Variants in CPAMD8 observed in about 807,000 individuals in gnomAD.
CPAMD8 encodes the protein C3 and PZP-like alpha-2-macroglobulin domain-containing protein 8.
In CPAMD8, 146 loss-of-function variants were observed where a neutral mutation model predicts 224.7. The ratio of observed to expected loss-of-function variants is 0.65; its 90% CI spans 0.57 to 0.75. The LOEUF is 0.75. Among genes scored for constraint, CPAMD8 ranks in the 30% least tolerant of loss-of-function variants. The probability of loss-of-function intolerance (pLI) is 0.00; values close to 1 mark genes in which losing one functional copy is unlikely to be tolerated. For missense variants in CPAMD8, 2,301 were observed against 2,537.5 expected, an observed-to-expected ratio of 0.91 and a Z score of 2.00; for synonymous variants, 966 against 1,044.6, an observed-to-expected ratio of 0.92 and a Z score of 1.45.
chr19:17,008,579 A>AC lies in CPAMD8; in HGVS notation c.505-21dup. Reference sequence around the variant, plus strand: ...GGGGTCCTGTTGGTGGTGGAGGGGGACAGACACACGGAGTGAACTCAGGCT... The same window carrying AC: ...GGGGTCCTGTTGGTGGTGGAGGGGGACCAGACACACGGAGTGAACTCAGGCT... On this transcript the variant is annotated intron_variant, in intron 6 of 41. Coordinates refer to ENST00000443236, the MANE Select transcript of CPAMD8 (RefSeq NM_015692.5). 1 of 1,613,250 alleles carries AC rather than the reference A, an allele frequency of 6.2e-7. No homozygotes were observed. The highest frequency in any genetic ancestry group is 2.2e-5 in the East Asian group (1 of 44,866).
intron 13 of CPAMD8, among the ~76,000 whole-genome samples, chr19:16,981,618 G>A (rs920693997): frequency 1.3e-5 from 2 of 152,188 alleles, no homozygotes; most frequent in African/African-American, 4.8e-5. Context: ...CTGATATCAG[G>A]AAAGCTAAGG....
chr19:16,913,758 A>G (rs1219144586), intron 29 of CPAMD8, among the ~76,000 whole-genome samples: 1 of 152,150 alleles, frequency 6.6e-6, no homozygotes, highest in African/African-American at 2.4e-5. Flanking sequence ...CAAACTGTAG[A>G]CCCACTAGTT....
chr19:16,973,838 T>C (rs2055154620), intron 17 of CPAMD8, among the ~76,000 whole-genome samples: 1 of 148,456 alleles, frequency 6.7e-6, no homozygotes, highest in African/African-American at 2.5e-5. Flanking sequence ...TTTTTTTTTT[T>C]TTTTTTTTTT....
intron 22 of CPAMD8, among the ~76,000 whole-genome samples, chr19:16,939,177 A>C (rs2053798022): frequency 1.2e-5 from 1 of 85,114 alleles, no homozygotes; most frequent in Non-Finnish European, 2.7e-5. Flanking sequence ...TTATTTATTT[A>C]TTTATTTATT....
chr19:16,928,867 G>A (rs914356026), intron 24 of CPAMD8, 75 bp downstream of exon 24: 8 of 1,240,238 alleles, frequency 6.5e-6, no homozygotes, highest in Non-Finnish European at 8.9e-6. Context: ...TCAAAGCCTG[G>A]CACCAAACAG....
intron 41 of CPAMD8, 105 bp downstream of exon 41, chr19:16,896,071 G>T: frequency 1.5e-6 from 2 of 1,295,230 alleles, no homozygotes; most frequent in Non-Finnish European, 2.2e-6. Flanking sequence ...GGGTCGGGGC[G>T]GGGCGGAGGA....
chr19:16,983,352 T>G (rs1350401375), intron 13 of CPAMD8, among the ~76,000 whole-genome samples: 1 of 152,140 alleles, frequency 6.6e-6, no homozygotes, highest in Non-Finnish European at 1.5e-5. Flanking sequence ...TGAGCTGAGA[T>G]TGTGCCATTG....
Position 17,026,654 on chromosome 19 carries a change from T to A in CPAMD8, c.-12A>T, listed in dbSNP as rs1568620064. The stretch of plus-strand genomic sequence containing the variant: ...AGGGCGCCGCTCATTTTTCGGCTCC[T>A]GGGGGGCGCCGCGCCTGGGGAGGGG... On this transcript the variant is annotated 5_prime_UTR_variant, in exon 1 of 42. Coordinates refer to ENST00000443236, the MANE Select transcript of CPAMD8 (RefSeq NM_015692.5). 7.1e-7 allele frequency: 1 copy of A among 1,405,690 alleles called. No individual in the cohort carries two copies. 87.1% of individuals were successfully genotyped at this position (1,405,690 alleles called of 1,614,324 possible).
chr19:17,003,795 T>G (rs12980608), intron 8 of CPAMD8, among the ~76,000 whole-genome samples: 27 of 149,386 alleles, frequency 1.8e-4, no homozygotes, highest in Admixed American at 1.1e-3. Flanking sequence ...AAAAAAAAAG[T>G]AAGAGTGTAG....
At chr19:16,906,243 C>A (rs2052471779) in intron 30 of CPAMD8, among the ~76,000 whole-genome samples, 1 of 152,146 alleles carries the variant, frequency 6.6e-6, no homozygotes, top group Non-Finnish European at 1.5e-5. Context: ...CAAAAGGCAT[C>A]TCGTCAGTTT....
At chr19:16,915,232 A>G (rs1018517890) in intron 27 of CPAMD8, among the ~76,000 whole-genome samples, 1 of 150,710 alleles carries the variant, frequency 6.6e-6, no homozygotes, top group Admixed American at 6.6e-5. Context: ...TGCCCTGGAG[A>G]TCTGTGCTTC....
intron 5 of CPAMD8, among the ~76,000 whole-genome samples, chr19:17,010,743 C>T (rs1244552334): frequency 2.6e-5 from 4 of 152,082 alleles, no homozygotes; most frequent in Non-Finnish European, 5.9e-5. Context: ...ATAAATATAG[C>T]CAGGTGCAGT....
intron 36 of CPAMD8, 138 bp downstream of exon 36, chr19:16,901,072 G>A (rs1158835722): frequency 3.4e-6 from 2 of 596,048 alleles, no homozygotes; most frequent in Non-Finnish European, 6.0e-6. Flanking sequence ...AGGGGGAGGG[G>A]GAGAGGGAGA....
At position 16,913,859 on chromosome 19, in the gene CPAMD8, G is replaced by A. The variant is rs967653335; in HGVS notation, c.3861+565C>T. Among the ~76,000 whole-genome samples, 3 of 152,040 alleles carry A rather than the reference G, an allele frequency of 2.0e-5. No individual in the cohort carries two copies. The East Asian group carries it at 5.8e-4, about 29-fold the overall frequency. On this transcript the variant is annotated intron_variant, in intron 29 of 41. Transcript: ENST00000443236. ...AGAATTGATGTAGGTATTAGGGAGG[G>A]CAGATTCTTCTCACCCAGGGCTGAG...
chr19:16,896,804 G>C (rs977918093), intron 39 of CPAMD8, 139 bp from the exon 40 acceptor site: 14 of 501,620 alleles, frequency 2.8e-5, no homozygotes, highest in African/African-American at 8.1e-5. Flanking sequence ...ACAGTTAATG[G>C]GAGGTCCTGA....
At position 16,941,829 on chromosome 19, in the gene CPAMD8, C is replaced by T. The variant is rs999310638; in HGVS notation, c.2794-3383G>A. Among the ~76,000 whole-genome samples, 7 of 152,070 alleles carry T rather than the reference C, an allele frequency of 4.6e-5. No homozygotes were observed. The South Asian group carries it at 1.0e-3, about 23-fold the overall frequency. Reference sequence around the variant, plus strand: ...CTCTACTAAAAATATAAAAATTATCCGGGCATGGTGGCAGGTGCCTGCAAT... The same window carrying T: ...CTCTACTAAAAATATAAAAATTATCTGGGCATGGTGGCAGGTGCCTGCAAT... On this transcript the variant is annotated intron_variant, in intron 22 of 41. Transcript: ENST00000443236.
chr19:16,904,193 C>G (rs776135716), intron 32 of CPAMD8, 33 bp downstream of exon 32: 4 of 1,487,778 alleles, frequency 2.7e-6, no homozygotes, highest in Non-Finnish European at 3.7e-6. Flanking sequence ...CCACCCAGCC[C>G]TGAGCCCCTC....
At chr19:16,946,991 C>G (rs2054123323) in intron 21 of CPAMD8, 83 bp downstream of exon 21, 2 of 1,421,424 alleles carry the variant, frequency 1.4e-6, no homozygotes, top group Non-Finnish European at 1.9e-6. Context: ...CCCCATCCAC[C>G]CCTCATCCCC....
At position 16,902,771 on chromosome 19, in the gene CPAMD8, C is replaced by A. The variant is rs200862393; in HGVS notation, c.4563G>T (p.Pro1521=). The part of the protein sequence containing the change: ...SLQEPEAQGR[P]PPMPASAAEG... ...CAGCTGCGGAGGCAGGCATGGGGGGCGGGCGTCCCTGGGCCTCAGGCTCCT... is the reference window on the plus strand; with the variant it reads ...CAGCTGCGGAGGCAGGCATGGGGGGAGGGCGTCCCTGGGCCTCAGGCTCCT... Residue 1521 remains proline (P), a synonymous_variant, in exon 35 of 42, where the codon CCG becomes CCT. Transcript: ENST00000443236. 6.3e-7 allele frequency: 1 copy of A among 1,591,028 alleles called. No individual in the cohort carries two copies. Among genetic ancestry groups the A allele is most frequent in the African/African-American group, 1.3e-5 (1 of 74,364 alleles).
Sources: allele counts gnomAD v4.1 joint callset (sites outside exome capture counted in the v4.1 genomes callset), GRCh38; gene constraint gnomAD v4.1.1; transcripts MANE v1.5; gene names NCBI Gene and HGNC (gene_info 2026-07-23, HGNC 2026-07-21).